Variants in LOC122539214 observed in about 807,000 individuals in gnomAD.
chr19:52,677,605 CA>C, the LOC122539214 span, among the ~76,000 whole-genome samples: 9 of 152,072 alleles, frequency 5.9e-5, no homozygotes, highest in African/African-American at 1.9e-4. Flanking sequence ...GAATACTCAA[CA>C]AAATCCCCCT....
At chr19:52,663,715 A>C in the LOC122539214 span, among the ~76,000 whole-genome samples, 1 of 152,228 alleles carries the variant, frequency 6.6e-6, no homozygotes. Flanking sequence ...GCTCAATCTA[A>C]ACTGAACACA....
the LOC122539214 span, among the ~76,000 whole-genome samples, chr19:52,687,517 A>AT: frequency 3.0e-5 from 1 of 33,058 alleles, no homozygotes; most frequent in Non-Finnish European, 5.8e-5. Flanking sequence ...AATTATATAT[A>AT]AATTTTATAT....
the LOC122539214 span, among the ~76,000 whole-genome samples, chr19:52,659,500 G>A: frequency 2.0e-5 from 3 of 151,856 alleles, no homozygotes; most frequent in African/African-American, 4.8e-5. Context: ...GGAATTATCT[G>A]TGTGTCAGTG....
chr19:52,676,106 G>T, the LOC122539214 span, among the ~76,000 whole-genome samples: 2 of 151,982 alleles, frequency 1.3e-5, no homozygotes, highest in Admixed American at 1.3e-4. Flanking sequence ...TCAGCCTGCT[G>T]AGTGCCTGCA....
At chr19:52,652,544 A>C in the LOC122539214 span, 8 of 447,606 alleles carry the variant, frequency 1.8e-5, no homozygotes, top group Admixed American at 1.6e-4. Context: ...ACCTTGCTGC[A>C]ATCATGACAT....
At chr19:52,656,646 T>C in the LOC122539214 span, among the ~76,000 whole-genome samples, 1 of 152,096 alleles carries the variant, frequency 6.6e-6, no homozygotes, top group Non-Finnish European at 1.5e-5. Flanking sequence ...GGCATGTGGA[T>C]CACAAAGTCA....
chr19:52,654,799 G>A, the LOC122539214 span: 1 of 154,816 alleles, frequency 6.5e-6, no homozygotes, highest in Non-Finnish European at 1.4e-5. Flanking sequence ...TTCTACAGCA[G>A]TGACTGCTGT....
the LOC122539214 span, among the ~76,000 whole-genome samples, chr19:52,680,667 C>A: frequency 8.5e-6 from 1 of 117,926 alleles, no homozygotes; most frequent in Non-Finnish European, 1.6e-5. Flanking sequence ...GGCTGGAGTG[C>A]AGTGGCGCGA....
chr19:52,670,041 TCTA>T, the LOC122539214 span, among the ~76,000 whole-genome samples: 1 of 152,320 alleles, frequency 6.6e-6, no homozygotes, highest in Admixed American at 6.5e-5. Context: ...TTCTTTGCCT[TCTA>T]CTTTTAAACT....
chr19:52,685,769 G>T, the LOC122539214 span, among the ~76,000 whole-genome samples: 4 of 151,922 alleles, frequency 2.6e-5, no homozygotes, highest in African/African-American at 9.7e-5. Flanking sequence ...ATGGTGGCAG[G>T]CAACTGTAAT....
At chr19:52,660,727 G>T in the LOC122539214 span, 2 of 195,450 alleles carry the variant, frequency 1.0e-5, no homozygotes, top group South Asian at 2.1e-4. Context: ...TATCAGAAAA[G>T]AGAGAGAAGA....
the LOC122539214 span, chr19:52,650,634 A>G: frequency 6.6e-6 from 1 of 152,300 alleles, no homozygotes; most frequent in East Asian, 1.9e-4. Flanking sequence ...TAAATTGTTT[A>G]TTAGAAGAAC....
chr19:52,688,645 C>A, the LOC122539214 span, among the ~76,000 whole-genome samples: 4 of 152,104 alleles, frequency 2.6e-5, no homozygotes, highest in Admixed American at 2.0e-4. Context: ...TCTTCCACCT[C>A]TTCTGCTCCA....
the LOC122539214 span, chr19:52,660,875 A>AT: frequency 0.28 from 43,056 of 153,650 alleles, 6,289 homozygotes; most frequent in Middle Eastern, 0.35. Flanking sequence ...TATTTAATTA[A>AT]TTTTTTTTGA....
the LOC122539214 span, among the ~76,000 whole-genome samples, chr19:52,666,598 A>C: frequency 6.8e-6 from 1 of 146,682 alleles, no homozygotes; most frequent in African/African-American, 2.6e-5. Context: ...ACACCTCATC[A>C]AGGAAGAACT....
chr19:52,689,899 C>CT, the LOC122539214 span, among the ~76,000 whole-genome samples: 3 of 152,240 alleles, frequency 2.0e-5, no homozygotes, highest in African/African-American at 7.2e-5. Context: ...GGCACCTCCC[C>CT]AACGCGGGCT....
At chr19:52,677,306 T>TAAAAAAA in the LOC122539214 span, among the ~76,000 whole-genome samples, 13 of 106,442 alleles carry the variant, frequency 1.2e-4, no homozygotes, top group East Asian at 5.1e-4. Context: ...AATTGAGAAG[T>TAAAAAAA]AAAAAAAAAA....
the LOC122539214 span, among the ~76,000 whole-genome samples, chr19:52,666,177 AAG>A: frequency 6.6e-6 from 1 of 151,074 alleles, no homozygotes; most frequent in African/African-American, 2.4e-5. Context: ...AAAAAAAAAA[AAG>A]AAAGAGACAG....
chr19:52,677,284 T>G, the LOC122539214 span, among the ~76,000 whole-genome samples: 10 of 137,240 alleles, frequency 7.3e-5, no homozygotes, highest in South Asian at 2.2e-3. Context: ...TTTTGAATAT[T>G]AAAGACAGAC....
Sources: allele counts gnomAD v4.1 joint callset (sites outside exome capture counted in the v4.1 genomes callset), GRCh38; gene constraint gnomAD v4.1.1; transcripts MANE v1.5.